The following LARGE1 variants were observed in gnomAD, a reference collection of about 807,000 sequenced individuals.
LARGE1 encodes the protein LARGE xylosyl- and glucuronyltransferase 1, also known as xylosyl- and glucuronyltransferase LARGE1.
LARGE1 carries 43 observed loss-of-function variants against 87.6 expected under a neutral mutation model. The ratio of observed to expected loss-of-function variants is 0.49; its 90% CI spans 0.38 to 0.63. The LOEUF is 0.63. Among genes scored for constraint, LARGE1 ranks in the 30% least tolerant of loss-of-function variants. The pLI, the probability that LARGE1 is intolerant of heterozygous loss-of-function variation, is 0.00. For synonymous variants in LARGE1, 434 were observed against 394.6 expected (o/e 1.10, Z -1.18); for missense variants, 802 against 1,000.2 (o/e 0.80, Z 2.67).
chr22:33,754,558 G>A (rs535116050), intron 2 of LARGE1, among the ~76,000 whole-genome samples: 3 of 152,004 alleles, frequency 2.0e-5, no homozygotes, highest in Non-Finnish European at 2.9e-5. Context: ...GGATGGTTTC[G>A]ATCTCCTGAC....
intron 6 of LARGE1, among the ~76,000 whole-genome samples, chr22:33,515,177 G>C (rs1029484479): frequency 3.3e-5 from 5 of 151,966 alleles, no homozygotes; most frequent in Admixed American, 1.3e-4. Flanking sequence ...TGCATGATGT[G>C]ATTCCAGACC....
chr22:33,224,430 C>G (rs1346416146), intron 11 of LARGE1, among the ~76,000 whole-genome samples: 1 of 152,036 alleles, frequency 6.6e-6, no homozygotes, highest in South Asian at 2.1e-4. Flanking sequence ...CATATTGTGC[C>G]AGCGCTATTA....
At chr22:33,539,652 C>A (rs887384078) in intron 6 of LARGE1, among the ~76,000 whole-genome samples, 1 of 150,924 alleles carries the variant, frequency 6.6e-6, no homozygotes, top group African/African-American at 2.4e-5. Flanking sequence ...TGCAGTGACA[C>A]GATCACAGCT....
intron 1 of LARGE1, among the ~76,000 whole-genome samples, chr22:33,805,745 AAATAAGTAAATAAATG>A (rs201765944): frequency 0.25 from 29,483 of 118,170 alleles, 3,512 homozygotes; most frequent in Admixed American, 0.37. Flanking sequence ...AAAAATAAAT[AAATAAGTAAATAAATG>A]AATAAATAAA....
chr22:33,636,515 T>C (rs891117797), intron 3 of LARGE1, among the ~76,000 whole-genome samples: 2 of 152,138 alleles, frequency 1.3e-5, no homozygotes, highest in African/African-American at 4.8e-5. Flanking sequence ...TCCTCATCTA[T>C]AAAGAGGAGT....
rs550117175 is a variant in LARGE1 at position 33,849,980 on chromosome 22, G to T, written c.-83+70015C>A. Among the ~76,000 whole-genome samples, 3 of 152,308 alleles carry T rather than the reference G, an allele frequency of 2.0e-5. No homozygotes were observed. In the South Asian group the frequency reaches 6.2e-4, roughly 32 times the overall value. On this transcript the variant is annotated intron_variant, in intron 1 of 14. Transcript: ENST00000397394. ...TCCATACGAGGAAATACAAAGGGAT[G>T]GAGAGATTAAAGAAGGAGCCCAGGG...
chr22:33,300,439 A>G (rs1933991372), intron 12 of LARGE1, among the ~76,000 whole-genome samples: 1 of 152,202 alleles, frequency 6.6e-6, no homozygotes, highest in Admixed American at 6.5e-5. Context: ...GCAGTGGCAC[A>G]ATCATGGCTC....
At chr22:33,102,279 C>T in the LARGE1 span, among the ~76,000 whole-genome samples, 3 of 152,156 alleles carry the variant, frequency 2.0e-5, no homozygotes, top group Non-Finnish European at 2.9e-5. Context: ...AGCGATTCTC[C>T]TGCCTCAGCC....
At chr22:33,771,734 C>A (rs1006691216) in intron 1 of LARGE1, among the ~76,000 whole-genome samples, 1 of 152,170 alleles carries the variant, frequency 6.6e-6, no homozygotes, top group Non-Finnish European at 1.5e-5. Context: ...TATATACCCA[C>A]TGGATAAACC....
chr22:33,892,789 G>C (rs1018032192), intron 1 of LARGE1, among the ~76,000 whole-genome samples: 4 of 152,206 alleles, frequency 2.6e-5, no homozygotes, highest in African/African-American at 4.8e-5. Flanking sequence ...CAGCGGAAGA[G>C]GCAGCATTTC....
chr22:33,421,812 GC>G, intron 7 of LARGE1, among the ~76,000 whole-genome samples: 1 of 152,340 alleles, frequency 6.6e-6, no homozygotes. Context: ...GGCATTGTCT[GC>G]TTTCTTTCAG....
chr22:33,526,910 T>G (rs2071926786), intron 6 of LARGE1, among the ~76,000 whole-genome samples: 1 of 152,178 alleles, frequency 6.6e-6, no homozygotes, highest in Non-Finnish European at 1.5e-5. Flanking sequence ...CTACAGCATT[T>G]CTCAAAGCAT....
chr22:33,596,196 A>G (rs1181340412), intron 5 of LARGE1, among the ~76,000 whole-genome samples: 1 of 152,260 alleles, frequency 6.6e-6, no homozygotes, highest in Admixed American at 6.5e-5. Context: ...TGCCTGTGTA[A>G]AAAGTGAATT....
intron 5 of LARGE1, 22 bp from the exon 6 acceptor site, chr22:33,565,041 G>C: frequency 6.2e-7 from 1 of 1,611,776 alleles, no homozygotes; most frequent in Non-Finnish European, 8.5e-7. Flanking sequence ...AAGGCAGAGA[G>C]AGAGTTGGAG....
chr22:33,808,262 A>G (rs1284802700), intron 1 of LARGE1, among the ~76,000 whole-genome samples: 4 of 152,202 alleles, frequency 2.6e-5, no homozygotes, highest in Non-Finnish European at 5.9e-5. Context: ...AACGACATGG[A>G]GCATCTTTTC....
chr22:33,646,171 A>T (rs1275902374), intron 3 of LARGE1, among the ~76,000 whole-genome samples: 1 of 152,240 alleles, frequency 6.6e-6, no homozygotes, highest in Non-Finnish European at 1.5e-5. Context: ...AATAGCAAAG[A>T]CTAGGAACCA....
At position 33,168,275 on chromosome 22, in the gene LARGE1, A is replaced by G. The variant is rs544236014; in HGVS notation, c.1731-1443T>C. Among the ~76,000 whole-genome samples, 102 of 152,350 alleles carry G rather than the reference A, an allele frequency of 6.7e-4. No homozygotes were observed. The Middle Eastern group carries it at 0.01, about 15-fold the overall frequency. ...TCTGGATCTCAGCGTGGATAGGATTATAGACTATAATTCCTAGGCCATTTT... is the reference window on the plus strand; with the variant it reads ...TCTGGATCTCAGCGTGGATAGGATTGTAGACTATAATTCCTAGGCCATTTT... On this transcript the variant is annotated intron_variant, in intron 11 of 11. Coordinates refer to the LARGE1 transcript ENST00000608642.
At chr22:33,685,426 G>A (rs1284866933) in intron 2 of LARGE1, among the ~76,000 whole-genome samples, 4 of 152,100 alleles carry the variant, frequency 2.6e-5, no homozygotes, top group Non-Finnish European at 4.4e-5. Flanking sequence ...GGGAGCATTT[G>A]GGGGACAGGG....
At chr22:33,711,437 C>G in intron 2 of LARGE1, among the ~76,000 whole-genome samples, 1 of 152,110 alleles carries the variant, frequency 6.6e-6, no homozygotes, top group East Asian at 1.9e-4. Flanking sequence ...TTGAATAGAC[C>G]ATGGGTCTGA....
Sources: gnomAD v4.1 joint callset for allele counts (sites outside exome capture counted in the v4.1 genomes callset) on GRCh38, gnomAD v4.1.1 for gene constraint, MANE v1.5 for transcripts, NCBI Gene and HGNC (gene_info 2026-07-23, HGNC 2026-07-21) for gene names.